Variants in FCHSD2 observed in about 807,000 individuals in gnomAD.
The protein encoded by FCHSD2 is FCH and double SH3 domains 2, also known as F-BAR and double SH3 domains protein 2.
Under a neutral mutation model 108.1 loss-of-function variants are expected in FCHSD2, and 38 were observed. The ratio of observed to expected loss-of-function variants is 0.35; its 90% CI spans 0.27 to 0.46. FCHSD2 has a LOEUF of 0.46. Ranked by LOEUF, FCHSD2 falls within the 20% of genes least tolerant of loss-of-function variation. FCHSD2 has a pLI of 1.00. For synonymous variants in FCHSD2, 279 were observed against 314.7 expected (o/e 0.89, Z 1.20); for missense variants, 751 against 897.8 (o/e 0.84, Z 2.09).
At chr11:73,141,816 G>GC (rs1565111172) in intron 1 of FCHSD2, 41 bp downstream of exon 1, 1 of 1,535,140 alleles carries the variant, frequency 6.5e-7, no homozygotes, top group Admixed American at 2.0e-5. Flanking sequence ...TTCCGCGTAC[G>GC]CATCTCTCCG....
intron 8 of FCHSD2, among the ~76,000 whole-genome samples, chr11:72,930,643 C>T (rs1856170550): frequency 6.6e-6 from 1 of 151,926 alleles, no homozygotes; most frequent in South Asian, 2.1e-4. Context: ...TATTTGGGAG[C>T]CTGAGGCATA....
chr11:72,913,476 C>A (rs1035947273), intron 9 of FCHSD2, among the ~76,000 whole-genome samples: 1 of 152,116 alleles, frequency 6.6e-6, no homozygotes. Context: ...GCCATGTTGG[C>A]CAGGCTGATC....
chr11:72,881,707 A>C (rs1855090644), intron 12 of FCHSD2, among the ~76,000 whole-genome samples: 1 of 152,236 alleles, frequency 6.6e-6, no homozygotes, highest in Non-Finnish European at 1.5e-5. Flanking sequence ...CATAAAAAAG[A>C]ATGAAATCCT....
chr11:72,892,970 G>A (rs1855348345), intron 10 of FCHSD2, among the ~76,000 whole-genome samples: 1 of 151,356 alleles, frequency 6.6e-6, no homozygotes, highest in African/African-American at 2.4e-5. Context: ...CGTAATGACT[G>A]CTTCTTTTTA....
At chr11:72,869,909 G>A (rs939060964) in intron 12 of FCHSD2, among the ~76,000 whole-genome samples, 1 of 152,050 alleles carries the variant, frequency 6.6e-6, no homozygotes, top group Non-Finnish European at 1.5e-5. Context: ...ACTCCTGACT[G>A]TCTACTGAGT....
intron 9 of FCHSD2, among the ~76,000 whole-genome samples, chr11:72,916,489 T>A (rs576436877): frequency 3.3e-5 from 5 of 152,084 alleles, no homozygotes; most frequent in African/African-American, 1.2e-4. Context: ...ATTTAAAAAA[T>A]TTTTTTGTAG....
chr11:72,848,801 G>A (rs572544301), intron 14 of FCHSD2, among the ~76,000 whole-genome samples: 15 of 152,236 alleles, frequency 9.9e-5, no homozygotes, highest in African/African-American at 2.4e-4. Flanking sequence ...GTTCTGGGAC[G>A]TTCAAGTAAA....
At chr11:72,909,075 C>T (rs1165286273) in intron 9 of FCHSD2, among the ~76,000 whole-genome samples, 1 of 152,116 alleles carries the variant, frequency 6.6e-6, no homozygotes, top group Non-Finnish European at 1.5e-5. Context: ...TCTCTCCGGT[C>T]TCCCTCTGTT....
chr11:73,097,260 T>C (rs1005004246), intron 2 of FCHSD2, among the ~76,000 whole-genome samples: 2 of 151,764 alleles, frequency 1.3e-5, no homozygotes, highest in African/African-American at 4.8e-5. Context: ...TGCCTCAACC[T>C]CCCAAGTGGC....
chr11:73,095,768 T>C (rs1211775342), intron 2 of FCHSD2, among the ~76,000 whole-genome samples: 2 of 151,950 alleles, frequency 1.3e-5, no homozygotes, highest in Non-Finnish European at 2.9e-5. Flanking sequence ...TTTGAAGAAG[T>C]AGAGGAGACA....
chr11:73,063,293 A>G (rs1209059088), intron 3 of FCHSD2, among the ~76,000 whole-genome samples: 3 of 152,232 alleles, frequency 2.0e-5, no homozygotes, highest in Admixed American at 1.3e-4. Context: ...AGGAAGCACT[A>G]AACATGGAAA....
At chr11:73,112,564 C>T (rs898297597) in intron 2 of FCHSD2, among the ~76,000 whole-genome samples, 5 of 152,074 alleles carry the variant, frequency 3.3e-5, no homozygotes, top group African/African-American at 1.2e-4. Context: ...GTTGTTATCC[C>T]CGTGAATAAA....
chr11:72,980,506 A>G (rs547644779), intron 8 of FCHSD2, among the ~76,000 whole-genome samples: 1 of 152,094 alleles, frequency 6.6e-6, no homozygotes, highest in Admixed American at 6.5e-5. Context: ...AGGATAACAA[A>G]GAAAATGAGA....
At chr11:72,952,220 A>G (rs1225660449) in intron 8 of FCHSD2, among the ~76,000 whole-genome samples, 1 of 152,150 alleles carries the variant, frequency 6.6e-6, no homozygotes, top group Non-Finnish European at 1.5e-5. Context: ...AGAAAGATAT[A>G]TATGGCCTAT....
chr11:72,964,013 TC>T (rs1856861240), intron 8 of FCHSD2, among the ~76,000 whole-genome samples: 1 of 152,202 alleles, frequency 6.6e-6, no homozygotes, highest in African/African-American at 2.4e-5. Flanking sequence ...GAGGGCTCTA[TC>T]CATTTCAATG....
chr11:72,863,140 A>C (rs1213170261), intron 13 of FCHSD2, among the ~76,000 whole-genome samples: 1 of 151,886 alleles, frequency 6.6e-6, no homozygotes, highest in Non-Finnish European at 1.5e-5. Flanking sequence ...TATGTTGCTC[A>C]GGCTGGTCTC....
At chr11:73,068,195 G>C (rs1478201963) in intron 3 of FCHSD2, among the ~76,000 whole-genome samples, 1 of 151,976 alleles carries the variant, frequency 6.6e-6, no homozygotes, top group Non-Finnish European at 1.5e-5. Context: ...AACCATATCA[G>C]TACCCCAAAT....
chr11:73,074,324 G>C (rs1001931990), intron 3 of FCHSD2, among the ~76,000 whole-genome samples: 17 of 152,104 alleles, frequency 1.1e-4, no homozygotes, highest in African/African-American at 3.9e-4. Context: ...ATAAAACTCT[G>C]TATGTGCAAG....
intron 3 of FCHSD2, among the ~76,000 whole-genome samples, chr11:73,060,415 G>T (rs1411067422): frequency 6.6e-6 from 1 of 152,090 alleles, no homozygotes; most frequent in Non-Finnish European, 1.5e-5. Flanking sequence ...AATACCAGGA[G>T]CCTGGAAAAA....
Sources: gnomAD v4.1 joint callset for allele counts (sites outside exome capture counted in the v4.1 genomes callset) on GRCh38, gnomAD v4.1.1 for gene constraint, MANE v1.5 for transcripts, NCBI Gene and HGNC (gene_info 2026-07-23, HGNC 2026-07-21) for gene names.